Variants in DPYD observed in about 807,000 individuals in gnomAD.
The protein encoded by DPYD is dihydropyrimidine dehydrogenase [NADP(+)].
A neutral mutation model predicts 116.2 loss-of-function variants in DPYD; 109 were observed. That is an observed-to-expected ratio of 0.94 (90% confidence interval 0.80 to 1.10). DPYD has a LOEUF of 1.10. DPYD is among the 50% of genes least tolerant of loss of function. DPYD has a pLI of 0.00. For synonymous variants in DPYD, 440 were observed against 432.0 expected, an observed-to-expected ratio of 1.02 and a Z score of -0.23; for missense variants, 1,302 against 1,254.5, an observed-to-expected ratio of 1.04 and a Z score of -0.57.
intron 8 of DPYD, among the ~76,000 whole-genome samples, chr1:97,632,097 ATTT>A (rs748226841): frequency 1.3e-5 from 2 of 152,042 alleles, no homozygotes; most frequent in Admixed American, 1.3e-4. Flanking sequence ...CTGGCAATGC[ATTT>A]TCCCCCCAGC....
At chr1:97,531,003 ATT>A (rs143174942) in intron 12 of DPYD, among the ~76,000 whole-genome samples, 5,430 of 152,160 alleles carry the variant, frequency 0.036, 322 homozygotes, top group African/African-American at 0.12. Context: ...AGTTTCTTAT[ATT>A]TTTTGGAAAT....
chr1:97,110,052 T>C (rs1159135597), intron 20 of DPYD, among the ~76,000 whole-genome samples: 4 of 152,010 alleles, frequency 2.6e-5, no homozygotes, highest in African/African-American at 4.8e-5. Flanking sequence ...CTAGTGCCAC[T>C]CCCTCTACAT....
chr1:97,278,972 G>A (rs898421234), intron 18 of DPYD, among the ~76,000 whole-genome samples: 1 of 151,706 alleles, frequency 6.6e-6, no homozygotes, highest in Non-Finnish European at 1.5e-5. Flanking sequence ...GCTTCTGAAT[G>A]GCAGAAATTG....
At chr1:97,312,477 A>G (rs999792143) in intron 16 of DPYD, among the ~76,000 whole-genome samples, 6 of 151,902 alleles carry the variant, frequency 3.9e-5, no homozygotes, top group Non-Finnish European at 7.4e-5. Flanking sequence ...CATTCACTAC[A>G]GCATTGTTTG....
At chr1:97,186,187 T>C (rs1300825407) in intron 20 of DPYD, among the ~76,000 whole-genome samples, 2 of 152,202 alleles carry the variant, frequency 1.3e-5, no homozygotes. Flanking sequence ...CATCTACATA[T>C]AATATTACCA....
intron 6 of DPYD, among the ~76,000 whole-genome samples, chr1:97,696,985 A>G (rs1557889714): frequency 6.6e-6 from 1 of 152,112 alleles, no homozygotes; most frequent in Non-Finnish European, 1.5e-5. Flanking sequence ...TATCCTAACA[A>G]TAACATCATA....
chr1:97,090,143 G>A (rs1453829630), intron 21 of DPYD, among the ~76,000 whole-genome samples: 1 of 151,994 alleles, frequency 6.6e-6, no homozygotes, highest in Non-Finnish European at 1.5e-5. Context: ...CTTGATCCAG[G>A]GATTATGTAT....
intron 8 of DPYD, among the ~76,000 whole-genome samples, chr1:97,636,448 T>C (rs1243322108): frequency 1.3e-5 from 2 of 152,100 alleles, no homozygotes; most frequent in African/African-American, 4.8e-5. Flanking sequence ...TCCAATTTCA[T>C]GATCTTTATA....
chr1:97,499,569 G>A (rs1275812443), intron 13 of DPYD, among the ~76,000 whole-genome samples: 1 of 151,644 alleles, frequency 6.6e-6, no homozygotes, highest in Non-Finnish European at 1.5e-5. Flanking sequence ...TTGGAGAACA[G>A]CGGGAACAAA....
chr1:97,318,626 A>G (rs1668018402), intron 16 of DPYD, among the ~76,000 whole-genome samples: 2 of 151,946 alleles, frequency 1.3e-5, no homozygotes, highest in South Asian at 4.2e-4. Context: ...CCACACATTA[A>G]TAATGAGACA....
intron 14 of DPYD, among the ~76,000 whole-genome samples, chr1:97,403,530 T>G (rs959115301): frequency 3.3e-5 from 5 of 152,108 alleles, no homozygotes; most frequent in African/African-American, 9.6e-5. Flanking sequence ...CTATTTTTCC[T>G]GTGTGAGTTT....
At chr1:97,142,135 A>G (rs1233480740) in intron 20 of DPYD, among the ~76,000 whole-genome samples, 2 of 152,154 alleles carry the variant, frequency 1.3e-5, no homozygotes, top group African/African-American at 4.8e-5. Flanking sequence ...AGAAATGTAA[A>G]CCCTAGTAAA....
intron 2 of DPYD, among the ~76,000 whole-genome samples, chr1:97,877,963 C>T (rs1474571994): frequency 1.3e-5 from 2 of 151,916 alleles, no homozygotes; most frequent in Non-Finnish European, 2.9e-5. Context: ...ACAAGACAAA[C>T]ATTAAGTATA....
chr1:97,324,984 A>G (rs1233700882), intron 16 of DPYD, among the ~76,000 whole-genome samples: 3 of 152,094 alleles, frequency 2.0e-5, no homozygotes, highest in South Asian at 4.1e-4. Flanking sequence ...TCTTTCATTT[A>G]TCCCAACTCA....
chr1:97,482,279 A>T (rs974023832), intron 13 of DPYD, among the ~76,000 whole-genome samples: 2 of 152,210 alleles, frequency 1.3e-5, no homozygotes, highest in Non-Finnish European at 2.9e-5. Flanking sequence ...AAGTGGTGTT[A>T]TCCATCTGAA....
intron 4 of DPYD, among the ~76,000 whole-genome samples, chr1:97,732,529 A>C (rs1343671055): frequency 6.6e-6 from 1 of 152,002 alleles, no homozygotes; most frequent in Non-Finnish European, 1.5e-5. Flanking sequence ...TATATATCAA[A>C]ACAGAAGCAA....
At chr1:97,828,047 C>T (rs1039949079) in intron 3 of DPYD, 67 bp downstream of exon 3, 1 of 1,467,554 alleles carries the variant, frequency 6.8e-7, no homozygotes, top group Non-Finnish European at 9.5e-7. Flanking sequence ...CATTTGTTCC[C>T]CAAATAATGA....
At chr1:97,757,632 C>T (rs1175869657) in intron 3 of DPYD, among the ~76,000 whole-genome samples, 1 of 152,118 alleles carries the variant, frequency 6.6e-6, no homozygotes, top group Non-Finnish European at 1.5e-5. Flanking sequence ...AGGTAATTTA[C>T]CTCCCATTAC....
At chr1:97,273,001 T>A (rs1335805052) in intron 18 of DPYD, among the ~76,000 whole-genome samples, 1 of 152,120 alleles carries the variant, frequency 6.6e-6, no homozygotes, top group Non-Finnish European at 1.5e-5. Flanking sequence ...TACAAAACTT[T>A]CAACCCTAAA....
Sources: gnomAD v4.1 joint callset for allele counts (sites outside exome capture counted in the v4.1 genomes callset) on GRCh38, gnomAD v4.1.1 for gene constraint, MANE v1.5 for transcripts, NCBI Gene and HGNC (gene_info 2026-07-23, HGNC 2026-07-21) for gene names.